GALNT9: variants seen among roughly 807,000 people sequenced by gnomAD.
The protein encoded by GALNT9 is polypeptide N-acetylgalactosaminyltransferase 9.
GALNT9 carries 47 observed loss-of-function variants against 63.1 expected under a neutral mutation model. The ratio of observed to expected loss-of-function variants is 0.75; its 90% CI spans 0.59 to 0.95. The LOEUF is 0.95. Ranked by LOEUF, GALNT9 falls within the 40% of genes least tolerant of loss-of-function variation. GALNT9 has a pLI of 0.00. For synonymous variants in GALNT9, 396 were observed against 365.7 expected, an observed-to-expected ratio of 1.08 and a Z score of -0.94; for missense variants, 829 against 874.8, an observed-to-expected ratio of 0.95 and a Z score of 0.66.
intron 1 of GALNT9, among the ~76,000 whole-genome samples, chr12:132,313,108 TCCAC>T (rs1881871694): frequency 7.8e-6 from 1 of 127,854 alleles, no homozygotes; most frequent in Admixed American, 7.7e-5. Flanking sequence ...CACCCATCCA[TCCAC>T]CCATCCACCC....
rs756044022 is a variant in GALNT9, at chr12:132,197,812, G to A, written c.1645C>T (p.Arg549Trp). 35 of 1,417,434 alleles carry A rather than the reference G, an allele frequency of 2.5e-5. No individual in the cohort carries two copies. The highest frequency in any genetic ancestry group is 1.4e-4 in the South Asian group (12 of 84,990). The allele number at this position is 1,417,434 out of a possible 1,614,324, so 87.8% of individuals were successfully genotyped here. A position where few individuals can be genotyped will look rare whatever the true frequency, so the allele number is the denominator to read the frequency against. ...CTGACCTGGGTGAAGTCCCACAGCC[G>A]CTGTGTTGGCCGCGCCACATCCTCA... is the stretch of plus-strand genomic sequence containing the variant. ...KCEDVARPTQ[R>W]LWDFTQSGPI... Residue 549 changes from arginine to tryptophan, a missense_variant, in exon 10 of 11, where the codon CGG (arginine) becomes TGG (tryptophan). By Grantham distance (101) the Arg-to-Trp change is moderately radical. Transcript: ENST00000328957.
At chr12:132,206,538 T>G (rs1365513447) in intron 6 of GALNT9, among the ~76,000 whole-genome samples, 1 of 151,578 alleles carries the variant, frequency 6.6e-6, no homozygotes, top group African/African-American at 2.4e-5. Context: ...TCCCAGCTAC[T>G]CAGGAGGCTG....
chr12:132,225,479 C>G lies in GALNT9; in HGVS notation c.1078-21789G>C, dbSNP rs1046899929. Among the ~76,000 whole-genome samples, 4 of 149,462 alleles carry G rather than the reference C, an allele frequency of 2.7e-5. No homozygotes were observed. The East Asian group carries it at 8.0e-4, about 30-fold the overall frequency. Reference sequence around the variant, plus strand: ...GAAACTCCACTGTACATACACATCCCACACACATACATACCACACAATCCA... The same window carrying G: ...GAAACTCCACTGTACATACACATCCGACACACATACATACCACACAATCCA... On this transcript the variant is annotated intron_variant, in intron 6 of 10. Transcript: ENST00000328957.
chr12:132,201,254 C>G lies in GALNT9; in HGVS notation c.1271G>C (p.Gly424Ala), dbSNP rs758195258. Residue 424 changes from glycine to alanine, a missense_variant, in exon 8 of 11, where the codon GGG becomes GCG. Transcript: ENST00000328957. Reference sequence around the variant, plus strand: ...CTCAGACACGTCCCCGAAGTCCACCCCTGGGTTCTGCAAGGCCAGAAGTAG... The same window carrying G: ...CTCAGACACGTCCCCGAAGTCCACCGCTGGGTTCTGCAAGGCCAGAAGTAG... ...MAWNIPMSNP[G>A]VDFGDVSERL... 3 of 1,612,650 alleles carry G rather than the reference C, an allele frequency of 1.9e-6. No homozygotes were observed. The highest frequency in any genetic ancestry group is 1.1e-5 in the South Asian group (1 of 90,956).
chr12:132,218,349 G>A (rs1877303386), intron 6 of GALNT9, among the ~76,000 whole-genome samples: 1 of 152,206 alleles, frequency 6.6e-6, no homozygotes, highest in South Asian at 2.1e-4. Context: ...CTGACCCCCA[G>A]GTTGTCTCAC....
At position 132,329,056 on chromosome 12, in the gene GALNT9, G is replaced by A; in HGVS notation, c.148C>T (p.Arg50Ter). The A allele has an allele frequency of 1.3e-6, 2 of 1,546,922 alleles. No individual in the cohort carries two copies. The highest frequency in any genetic ancestry group is 1.7e-6 in the Non-Finnish European group (2 of 1,146,312). ...IVSGDRRVRS[R>*]HAKVGTLGDR... is the part of the protein sequence containing the mutation. ...CCCAGCGTGCCCACCTTGGCGTGTC[G>A]GCTGCGCACCCGGCGGTCGCCGCTC... The change falls in exon 1 of 11, where the codon CGA (arginine) becomes TGA (stop). Residue 50 changes from arginine to a stop codon, truncating the protein, a stop_gained. Transcript: ENST00000328957. LOFTEE classifies it high-confidence loss of function.
chr12:132,308,080 T>C (rs959160247), intron 1 of GALNT9, among the ~76,000 whole-genome samples: 1 of 149,504 alleles, frequency 6.7e-6, no homozygotes, highest in East Asian at 2.0e-4. Context: ...AAAAGACACA[T>C]GGAGGGAGAT....
chr12:132,201,256 T>A lies in GALNT9; in HGVS notation c.1269A>T (p.Pro423=). 6.2e-7 allele frequency: 1 copy of A among 1,612,310 alleles called. No individual in the cohort carries two copies. Among genetic ancestry groups the A allele is most frequent in the South Asian group, 1.1e-5 (1 of 90,942 alleles). ...YMAWNIPMSN[P]GVDFGDVSER... ...CAGACACGTCCCCGAAGTCCACCCC[T>A]GGGTTCTGCAAGGCCAGAAGTAGGT... Residue 423 remains proline, a synonymous_variant, in exon 8 of 11, where the codon CCA becomes CCT. Coordinates refer to ENST00000328957, the MANE Select transcript of GALNT9 (RefSeq NM_001122636.2).
At chr12:132,228,259 T>A (rs1474392735) in intron 6 of GALNT9, among the ~76,000 whole-genome samples, 2 of 151,454 alleles carry the variant, frequency 1.3e-5, no homozygotes, top group African/African-American at 4.9e-5. Context: ...CTCTGACACC[T>A]GCATCCCTCC....
In GALNT9 at chr12:132,329,265, G is replaced by GGATTCA. The variant is rs1243402634; in HGVS notation, c.-63_-62insTGAATC. On this transcript the variant is annotated 5_prime_UTR_variant, in exon 1 of 11. Coordinates refer to ENST00000328957, the MANE Select transcript of GALNT9 (RefSeq NM_001122636.2). ...TCCCCAGCATCCCCGCCCGGGCCTG[G>GGATTCA]GCTTCAGCTTCGGCTTCGGGGACCA... The GGATTCA allele has an allele frequency of 1.3e-6, 2 of 1,505,258 alleles. No homozygotes were observed. The highest frequency in any genetic ancestry group is 2.8e-5 in the African/African-American group (2 of 71,416). The allele number at this position is 1,505,258 out of a possible 1,614,324, so 93.2% of individuals were successfully genotyped here.
intron 6 of GALNT9, among the ~76,000 whole-genome samples, chr12:132,206,595 T>C (rs113527181): frequency 2.8e-4 from 41 of 147,844 alleles, no homozygotes; most frequent in African/African-American, 9.5e-4. Flanking sequence ...GACAGTGAGC[T>C]GAGATCACAC....
At chr12:132,303,670 C>T (rs1165776141) in intron 1 of GALNT9, among the ~76,000 whole-genome samples, 1 of 49,810 alleles carries the variant, frequency 2.0e-5, no homozygotes, top group South Asian at 7.5e-4. Context: ...CACCCTCACC[C>T]GGGCACAGCC....
At chr12:132,216,191 G>C (rs1877183849) in intron 6 of GALNT9, among the ~76,000 whole-genome samples, 2 of 152,266 alleles carry the variant, frequency 1.3e-5, no homozygotes, top group East Asian at 3.9e-4. Context: ...ATAAGACAGA[G>C]ACATGAGAGA....
intron 2 of GALNT9, among the ~76,000 whole-genome samples, chr12:132,271,330 C>T (rs1198755760): frequency 2.0e-5 from 3 of 152,142 alleles, no homozygotes; most frequent in East Asian, 1.9e-4. Flanking sequence ...ACGCCCCGCC[C>T]GGCTCCCACC....
chr12:132,260,480 A>C (rs111350614), intron 4 of GALNT9, among the ~76,000 whole-genome samples: 3,961 of 152,306 alleles, frequency 0.026, 97 homozygotes, highest in South Asian at 0.1. Context: ...CACTAGGCTA[A>C]GGCCTCGGGG....
chr12:132,298,838 C>T (rs1881177506), intron 1 of GALNT9, among the ~76,000 whole-genome samples: 1 of 148,792 alleles, frequency 6.7e-6, no homozygotes, highest in Non-Finnish European at 1.5e-5. Flanking sequence ...AACTAACCCA[C>T]TCTCACCACA....
intron 6 of GALNT9, among the ~76,000 whole-genome samples, chr12:132,235,673 GGC>G: frequency 6.6e-6 from 1 of 151,950 alleles, no homozygotes; most frequent in African/African-American, 2.4e-5. Flanking sequence ...CTCGGGACAG[GGC>G]AGGAGGGTCC....
chr12:132,196,901 C>T lies in GALNT9; in HGVS notation c.*206G>A. ...CCCAGACGCCCTCCCTCGGGTAGAGCCGCCTGTCCTAGGAGAAGCTGTACT... is the reference window on the plus strand; with the variant it reads ...CCCAGACGCCCTCCCTCGGGTAGAGTCGCCTGTCCTAGGAGAAGCTGTACT... On this transcript the variant is annotated 3_prime_UTR_variant, in exon 11 of 11. Coordinates refer to ENST00000328957, the MANE Select transcript of GALNT9 (RefSeq NM_001122636.2). The T allele has an allele frequency of 2.2e-6, 3 of 1,394,714 alleles. No homozygotes were observed. The highest frequency in any genetic ancestry group is 2.8e-6 in the Non-Finnish European group (3 of 1,075,936). 86.4% of individuals were successfully genotyped at this position (1,394,714 alleles called of 1,614,324 possible).
At chr12:132,226,068 A>G (rs1250898885) in intron 6 of GALNT9, among the ~76,000 whole-genome samples, 3 of 141,518 alleles carry the variant, frequency 2.1e-5, no homozygotes, top group Non-Finnish European at 4.6e-5. Flanking sequence ...CACTGTACAT[A>G]CACATCCCAC....
Sources: gnomAD v4.1 joint callset for allele counts (sites outside exome capture counted in the v4.1 genomes callset) on GRCh38, gnomAD v4.1.1 for gene constraint, MANE v1.5 for transcripts, NCBI Gene and HGNC (gene_info 2026-07-23, HGNC 2026-07-21) for gene names.